The following TECPR2 variants were observed in gnomAD, a reference collection of about 807,000 sequenced individuals.
TECPR2 encodes tectonin beta-propeller repeat-containing protein 2.
A neutral mutation model predicts 138.1 loss-of-function variants in TECPR2; 65 were observed. The observed-to-expected ratio is 0.47, with a 90% CI of 0.39 to 0.58. The LOEUF (loss-of-function observed/expected upper bound fraction) is 0.58. Among genes scored for constraint, TECPR2 ranks in the 20% least tolerant of loss-of-function variants. The pLI, the probability that TECPR2 is intolerant of heterozygous loss-of-function variation, is 0.00. For missense variants in TECPR2, 1,553 were observed against 1,824.5 expected, an observed-to-expected ratio of 0.85 and a Z score of 2.71; for synonymous variants, 746 against 749.8, an observed-to-expected ratio of 0.99 and a Z score of 0.08.
chr14:102,410,144 C>T (rs916787710), intron 4 of TECPR2, among the ~76,000 whole-genome samples: 3 of 152,132 alleles, frequency 2.0e-5, no homozygotes, highest in Non-Finnish European at 4.4e-5. Context: ...AATAATAAAT[C>T]CATAACATCT....
intron 6 of TECPR2, among the ~76,000 whole-genome samples, chr14:102,427,640 TC>T (rs1889358399): frequency 6.6e-6 from 1 of 152,114 alleles, no homozygotes; most frequent in Admixed American, 6.6e-5. Context: ...TGGAGGAACC[TC>T]CCCTCCCTTC....
chr14:102,462,466 T>A (rs1890431367), intron 16 of TECPR2, among the ~76,000 whole-genome samples: 1 of 152,232 alleles, frequency 6.6e-6, no homozygotes, highest in Admixed American at 6.5e-5. Context: ...ATAATGATAA[T>A]TTTTTGTGTA....
Position 102,363,035 on chromosome 14 carries a change from C to T in TECPR2, c.-154C>T. On this transcript the variant is annotated 5_prime_UTR_variant, in exon 1 of 20. Transcript: ENST00000359520. ...GCCCCGTTGCCCAGGGAACAGGCTC[C>T]CGGCAGCCCCCGCGGCCCGGAGTCC... The T allele has an allele frequency of 8.7e-6, 6 of 690,808 alleles. No individual in the cohort carries two copies. Among genetic ancestry groups the T allele is most frequent in the Non-Finnish European group, 1.4e-5 (6 of 436,644 alleles). 42.8% of individuals were successfully genotyped at this position (690,808 alleles called of 1,614,324 possible).
At chr14:102,404,076 T>A (rs1258251136) in intron 2 of TECPR2, among the ~76,000 whole-genome samples, 32 of 150,458 alleles carry the variant, frequency 2.1e-4, no homozygotes, top group African/African-American at 5.1e-4. Flanking sequence ...TTTTTTTTTT[T>A]AATTTTTTGT....
chr14:102,478,714 G>T (rs1194802834), intron 17 of TECPR2, among the ~76,000 whole-genome samples: 1 of 150,762 alleles, frequency 6.6e-6, no homozygotes, highest in East Asian at 2.0e-4. Context: ...TTTGCAGAGG[G>T]AACAGAAATG....
chr14:102,463,831 C>T (rs1305647146), intron 16 of TECPR2, among the ~76,000 whole-genome samples: 4 of 145,988 alleles, frequency 2.7e-5, no homozygotes, highest in South Asian at 2.2e-4. Context: ...GGCTGAGGCA[C>T]GAGAATCACT....
At chr14:102,483,282 CCTTGCAGCCAGGTG>C (rs1437663280) in intron 17 of TECPR2, among the ~76,000 whole-genome samples, 1 of 152,120 alleles carries the variant, frequency 6.6e-6, no homozygotes, top group Non-Finnish European at 1.5e-5. Context: ...CTGTGTTCAT[CCTTGCAGCCAGGTG>C]GTTGCAGCCT....
intron 17 of TECPR2, among the ~76,000 whole-genome samples, chr14:102,494,546 G>C (rs947445425): frequency 6.6e-6 from 1 of 151,602 alleles, no homozygotes; most frequent in African/African-American, 2.4e-5. Context: ...AACTAGCTCG[G>C]ACGGGTGCGG....
intron 2 of TECPR2, 33 bp from the exon 3 acceptor site, chr14:102,407,305 T>C: frequency 6.4e-7 from 1 of 1,568,290 alleles, no homozygotes. Context: ...GCCTGCATAG[T>C]TACAGATTCA....
intron 16 of TECPR2, 28 bp from the exon 17 acceptor site, chr14:102,465,113 T>C: frequency 1.2e-6 from 2 of 1,609,450 alleles, no homozygotes; most frequent in Admixed American, 1.7e-5. Flanking sequence ...AAAGTAATTA[T>C]AGTGTGTGTA....
intron 17 of TECPR2, among the ~76,000 whole-genome samples, chr14:102,466,974 C>G (rs1890559880): frequency 6.6e-6 from 1 of 152,186 alleles, no homozygotes; most frequent in African/African-American, 2.4e-5. Context: ...CGGAGTTCAT[C>G]CACGTTGTAG....
intron 17 of TECPR2, among the ~76,000 whole-genome samples, chr14:102,481,443 C>T (rs892224810): frequency 1.3e-5 from 2 of 152,180 alleles, no homozygotes; most frequent in African/African-American, 4.8e-5. Context: ...GCCACCACAC[C>T]GAGCCTGGTT....
chr14:102,479,798 C>T (rs556539867), intron 17 of TECPR2, among the ~76,000 whole-genome samples: 11 of 152,332 alleles, frequency 7.2e-5, no homozygotes, highest in Admixed American at 3.9e-4. Flanking sequence ...GAGCCAGCGT[C>T]GCTTGTATGC....
chr14:102,390,803 A>AATATATATATAT (rs10570260), intron 2 of TECPR2, among the ~76,000 whole-genome samples: 4 of 148,822 alleles, frequency 2.7e-5, no homozygotes, highest in Admixed American at 1.3e-4. Context: ...TCAGGGGAAG[A>AATATATATATAT]ATATATATAT....
At chr14:102,463,576 G>C (rs59638436) in intron 16 of TECPR2, among the ~76,000 whole-genome samples, 5 of 151,996 alleles carry the variant, frequency 3.3e-5, no homozygotes, top group Admixed American at 1.3e-4. Flanking sequence ...CCTCAGGGTA[G>C]AGGGCATTGG....
At position 102,471,171 on chromosome 14, in the gene TECPR2, C is replaced by T. The variant is rs149601059; in HGVS notation, c.3789+5882C>T. On this transcript the variant is annotated intron_variant, in intron 17 of 19. Coordinates refer to ENST00000359520, the MANE Select transcript of TECPR2 (RefSeq NM_014844.5). The stretch of plus-strand genomic sequence containing the variant: ...TTCACTATGTTGGCCAGGCTGGTCT[C>T]GAACTCCTGACCTCAAGTGATCTTC... 3.2e-3 allele frequency among the ~76,000 whole-genome samples: 482 copies of T among 151,292 alleles called. 15 individuals are homozygous for T. In the East Asian group the frequency reaches 0.087, roughly 27 times the overall value.
chr14:102,459,340 A>T (rs1040643562), intron 16 of TECPR2, among the ~76,000 whole-genome samples: 2 of 152,198 alleles, frequency 1.3e-5, no homozygotes, highest in African/African-American at 4.8e-5. Context: ...GTCAAAGATA[A>T]AACTGCCTTC....
chr14:102,464,870 C>T (rs1890511754), intron 16 of TECPR2, among the ~76,000 whole-genome samples: 1 of 152,102 alleles, frequency 6.6e-6, no homozygotes, highest in Non-Finnish European at 1.5e-5. Context: ...TTGCCTGTTG[C>T]CTGGAAGGGG....
chr14:102,487,004 C>T (rs575299949), intron 17 of TECPR2, among the ~76,000 whole-genome samples: 3 of 152,302 alleles, frequency 2.0e-5, no homozygotes, highest in African/African-American at 4.8e-5. Flanking sequence ...CACGCCTCAG[C>T]GCCCCCTGAG....
Sources: allele counts gnomAD v4.1 joint callset (sites outside exome capture counted in the v4.1 genomes callset), GRCh38; gene constraint gnomAD v4.1.1; transcripts MANE v1.5; gene names NCBI Gene and HGNC (gene_info 2026-07-23, HGNC 2026-07-21).